Variants in IL31RA observed in about 807,000 individuals in gnomAD.
IL31RA encodes interleukin-31 receptor subunit alpha.
A neutral mutation model predicts 83.7 loss-of-function variants in IL31RA; 66 were observed. The ratio of observed to expected loss-of-function variants is 0.79; its 90% confidence interval spans 0.65 to 0.97. The LOEUF (loss-of-function observed/expected upper bound fraction) is 0.97, where lower values mean the gene tolerates loss of function less well. Among genes scored for constraint, IL31RA ranks in the 50% least tolerant of loss-of-function variants. The probability of loss-of-function intolerance (pLI) is 0.00; values close to 1 mark genes in which losing one functional copy is unlikely to be tolerated. For synonymous variants in IL31RA, 325 were observed against 329.0 expected (o/e 0.99, Z 0.13); for missense variants, 798 against 919.4 (o/e 0.87, Z 1.71).
At chr5:55,849,706 C>T (rs998085489), upstream of IL31RA, among the ~76,000 whole-genome samples, 10 of 152,196 alleles carry the variant, frequency 6.6e-5, no homozygotes, top group African/African-American at 2.2e-4. Context: ...CTGGCGTCTG[C>T]CACTCACTTG....
chr5:55,850,164 G>C (rs571691181), upstream of IL31RA, among the ~76,000 whole-genome samples: 24 of 151,940 alleles, frequency 1.6e-4, no homozygotes, highest in Middle Eastern at 6.8e-3. Flanking sequence ...GTTTATTCTT[G>C]ATATTCTGAA....
intron 5 of IL31RA, among the ~76,000 whole-genome samples, chr5:55,885,181 G>A (rs1460987270): frequency 6.6e-6 from 1 of 152,026 alleles, no homozygotes; most frequent in Non-Finnish European, 1.5e-5. Context: ...AGGCTATCAT[G>A]CGACCCTTTC....
chr5:55,898,491 T>C (rs1268631649), intron 7 of IL31RA, among the ~76,000 whole-genome samples: 2 of 152,024 alleles, frequency 1.3e-5, no homozygotes, highest in African/African-American at 4.8e-5. Flanking sequence ...TTTTATGGAA[T>C]GTGAATTGTA....
rs375568629 is a variant in IL31RA, at chr5:55,907,433, T to A, written c.1327T>A (p.Ser443Thr). 103 of 1,612,876 alleles carry A rather than the reference T, an allele frequency of 6.4e-5. No individual in the cohort carries two copies. The highest frequency in any genetic ancestry group is 1.6e-5 in the Non-Finnish European group (19 of 1,178,916). ...MLHDKVGEPY[S>T]IQAYAKEGVP... The stretch of plus-strand genomic sequence containing the variant: ...GCATGACAAAGTTGGCGAGCCATAT[T>A]CCATCCAGGCTTATGCCAAAGAAGG... Residue 443 changes from serine to threonine, a missense_variant, in exon 10 of 15, where the codon TCC becomes ACC. By Grantham distance (58) the Ser-to-Thr change is moderately conservative. Coordinates refer to ENST00000652347, the MANE Select transcript of IL31RA (RefSeq NM_139017.7).
the IL31RA span, among the ~76,000 whole-genome samples, chr5:55,845,053 A>G: frequency 1.3e-5 from 2 of 152,122 alleles, no homozygotes; most frequent in Admixed American, 1.3e-4. Context: ...TATTAATCAT[A>G]GTTATTTTAT....
At chr5:55,845,760 T>C in the IL31RA span, among the ~76,000 whole-genome samples, 3 of 152,186 alleles carry the variant, frequency 2.0e-5, no homozygotes, top group Non-Finnish European at 4.4e-5. Context: ...CTCTTTCCAT[T>C]ATAAATTACC....
chr5:55,890,462 C>T (rs1459526986), intron 6 of IL31RA, among the ~76,000 whole-genome samples: 7 of 152,132 alleles, frequency 4.6e-5, no homozygotes, highest in African/African-American at 1.4e-4. Flanking sequence ...CACCACCTCC[C>T]GAGTTCAAGC....
intron 5 of IL31RA, among the ~76,000 whole-genome samples, chr5:55,885,077 C>T (rs1561095536): frequency 6.6e-6 from 1 of 152,128 alleles, no homozygotes; most frequent in Non-Finnish European, 1.5e-5. Context: ...GAGGATCAAC[C>T]CCTCCTTTGG....
At chr5:55,896,523 C>CCT (rs1748353520) in intron 7 of IL31RA, 94 bp downstream of exon 7, 4 of 764,802 alleles carry the variant, frequency 5.2e-6, no homozygotes, top group African/African-American at 2.3e-5. Context: ...CCCTTCCATC[C>CCT]TCCTTCCCTT....
chr5:55,901,265 C>G (rs905287013), intron 8 of IL31RA, among the ~76,000 whole-genome samples: 2 of 152,168 alleles, frequency 1.3e-5, no homozygotes, highest in African/African-American at 2.4e-5. Flanking sequence ...GACAAATGCA[C>G]GTGTCATTGG....
intron 2 of IL31RA, among the ~76,000 whole-genome samples, chr5:55,866,952 C>T (rs1322776248): frequency 1.4e-5 from 2 of 147,894 alleles, no homozygotes; most frequent in African/African-American, 4.9e-5. Flanking sequence ...AAGTTGCCCT[C>T]CTCTCACAAA....
chr5:55,860,167 G>A (rs1347177819), intron 2 of IL31RA, among the ~76,000 whole-genome samples: 3 of 152,068 alleles, frequency 2.0e-5, no homozygotes, highest in East Asian at 3.9e-4. Context: ...TCAGGAGTTC[G>A]AGAGCAGCCT....
intron 4 of IL31RA, among the ~76,000 whole-genome samples, chr5:55,879,883 T>C (rs1243079409): frequency 6.6e-6 from 1 of 152,192 alleles, no homozygotes; most frequent in East Asian, 1.9e-4. Context: ...TAATACTTTC[T>C]ATCTCCTTGG....
intron 5 of IL31RA, among the ~76,000 whole-genome samples, chr5:55,885,217 G>C: frequency 6.6e-6 from 1 of 152,046 alleles, no homozygotes; most frequent in East Asian, 1.9e-4. Context: ...TAGACACCCT[G>C]TTTACTGCAG....
chr5:55,874,461 C>T (rs75957537), intron 4 of IL31RA, among the ~76,000 whole-genome samples: 8,253 of 152,062 alleles, frequency 0.054, 478 homozygotes, highest in African/African-American at 0.15. Flanking sequence ...GATTTCAATA[C>T]GGATATTGTC....
At chr5:55,907,765 A>G (rs1403420203) in intron 10 of IL31RA, among the ~76,000 whole-genome samples, 3 of 152,266 alleles carry the variant, frequency 2.0e-5, no homozygotes, top group Admixed American at 6.5e-5. Context: ...ACACTGAATT[A>G]AGACCACATC....
chr5:55,903,124 C>T lies in IL31RA; in HGVS notation c.1070-2982C>T, dbSNP rs1045492210. Among the ~76,000 whole-genome samples the T allele has an allele frequency of 3.2e-4, 49 of 152,204 alleles. No individual in the cohort carries two copies. Among genetic ancestry groups the T allele is most frequent in the African/African-American group, 1.1e-3 (44 of 41,444 alleles). ...GGAATGAGGTTCCTTCTGCTCAGCA[C>T]GCCCTGGGTTTTGTGAGACCCGAGA... On this transcript the variant is annotated intron_variant, in intron 8 of 14. Transcript: ENST00000652347. The surrounding 1 kb of genome is among the most constrained non-coding windows in gnomAD (Gnocchi z 4.7).
chr5:55,892,945 C>T (rs552614562), intron 6 of IL31RA, among the ~76,000 whole-genome samples: 5 of 152,194 alleles, frequency 3.3e-5, no homozygotes, highest in South Asian at 4.2e-4. Flanking sequence ...TAAAATGCAC[C>T]CCCCAGCCAA....
At chr5:55,886,702 G>T (rs1400941181) in intron 5 of IL31RA, among the ~76,000 whole-genome samples, 1 of 152,166 alleles carries the variant, frequency 6.6e-6, no homozygotes, top group Non-Finnish European at 1.5e-5. Context: ...TATTAACTCT[G>T]TGAGACCTGG....
Sources: gnomAD v4.1 joint callset for allele counts (sites outside exome capture counted in the v4.1 genomes callset) on GRCh38, gnomAD v4.1.1 for gene constraint, Gnocchi (gnomAD v3.1) non-coding constraint, MANE v1.5 for transcripts, NCBI Gene and HGNC (gene_info 2026-07-23, HGNC 2026-07-21) for gene names.